Variants in IQCJ observed in about 807,000 individuals in gnomAD.
IQCJ encodes IQ motif containing J.
IQCJ carries 9 observed loss-of-function variants against 11.0 expected under a neutral mutation model. The observed-to-expected ratio is 0.82, with a 90% confidence interval of 0.49 to 1.43. IQCJ has a LOEUF of 1.43. Ranked by LOEUF, IQCJ falls within the 40% of genes most tolerant of loss-of-function variation. The pLI is 0.00. For synonymous variants in IQCJ, 55 were observed against 51.3 expected (o/e 1.07, Z -0.31); for missense variants, 146 against 133.2 (o/e 1.10, Z -0.47).
intron 1 of IQCJ, among the ~76,000 whole-genome samples, chr3:159,179,833 T>C (rs1017002296): frequency 2.6e-5 from 4 of 152,140 alleles, no homozygotes; most frequent in Non-Finnish European, 4.4e-5. Flanking sequence ...AGTCAAAAAG[T>C]GGAAGAGCCC....
At chr3:159,081,591 A>G (rs916263237) in intron 1 of IQCJ, among the ~76,000 whole-genome samples, 2 of 152,134 alleles carry the variant, frequency 1.3e-5, no homozygotes, top group South Asian at 4.1e-4. Context: ...ACAAATGAGC[A>G]CATCATTTTT....
At chr3:159,191,028 A>G (rs1303988467) in intron 1 of IQCJ, among the ~76,000 whole-genome samples, 2 of 152,212 alleles carry the variant, frequency 1.3e-5, no homozygotes, top group African/African-American at 2.4e-5. Flanking sequence ...CTTGAATTCA[A>G]TGACTTTACT....
intron 1 of IQCJ, among the ~76,000 whole-genome samples, chr3:159,146,977 G>A (rs1312863681): frequency 6.6e-6 from 1 of 152,114 alleles, no homozygotes; most frequent in Admixed American, 6.6e-5. Context: ...AATGAACAAC[G>A]GCTATATCCC....
rs1379494452 is a variant in IQCJ at position 159,116,612 on chromosome 3, A to ATGTG, written c.9+47174_9+47175insGTGT. 1.1e-3 allele frequency among the ~76,000 whole-genome samples: 91 copies of ATGTG among 81,842 alleles called. 1 individual carries two copies. The highest frequency in any genetic ancestry group is 4.2e-3 in the African/African-American group (88 of 21,098). The allele number at this position is 81,842 out of a possible 152,430, so 53.7% of individuals were successfully genotyped here. On this transcript the variant is annotated intron_variant, in intron 1 of 3. Transcript: ENST00000397832. ...TGTTCTATTTTAGCATCCTGCTCAT[A>ATGTG]TGTATATATATATATATATATATAT... is the stretch of plus-strand genomic sequence containing the variant.
chr3:159,153,893 G>A (rs1266882471), intron 1 of IQCJ, among the ~76,000 whole-genome samples: 2 of 152,180 alleles, frequency 1.3e-5, no homozygotes, highest in Non-Finnish European at 2.9e-5. Flanking sequence ...TGGCTATGGC[G>A]TCAGTTCCCA....
At chr3:159,127,952 G>A (rs759750496) in intron 1 of IQCJ, among the ~76,000 whole-genome samples, 21 of 152,046 alleles carry the variant, frequency 1.4e-4, no homozygotes, top group Non-Finnish European at 2.9e-5. Context: ...TGTGATAAAC[G>A]ATTATCATTG....
chr3:159,185,013 T>C (rs1387687414), intron 1 of IQCJ, among the ~76,000 whole-genome samples: 1 of 152,210 alleles, frequency 6.6e-6, no homozygotes, highest in East Asian at 1.9e-4. Flanking sequence ...TTCAAAATCA[T>C]GGCCGCATAG....
chr3:159,137,151 A>T (rs1454225303), intron 1 of IQCJ, among the ~76,000 whole-genome samples: 1 of 151,888 alleles, frequency 6.6e-6, no homozygotes, highest in Non-Finnish European at 1.5e-5. Flanking sequence ...AATCCCAGCT[A>T]CTCGGGAGGC....
chr3:159,159,766 G>T (rs572431413), intron 1 of IQCJ, among the ~76,000 whole-genome samples: 1 of 152,060 alleles, frequency 6.6e-6, no homozygotes, highest in Non-Finnish European at 1.5e-5. Flanking sequence ...AAATGGTTTG[G>T]TGCCATCCCC....
At chr3:159,244,674 G>T (rs1727141776) in intron 1 of IQCJ, among the ~76,000 whole-genome samples, 2 of 152,170 alleles carry the variant, frequency 1.3e-5, no homozygotes, top group Non-Finnish European at 1.5e-5. Context: ...CCACTGGAAA[G>T]GTTGGAAGGA....
chr3:159,091,647 TACACACAC>T (rs111512204), intron 1 of IQCJ, among the ~76,000 whole-genome samples: 132 of 133,922 alleles, frequency 9.9e-4, no homozygotes, highest in Non-Finnish European at 1.8e-3. Flanking sequence ...AAGGGGTATT[TACACACAC>T]ACACACACAC....
At chr3:159,138,285 T>G (rs1720411599) in intron 1 of IQCJ, among the ~76,000 whole-genome samples, 1 of 152,196 alleles carries the variant, frequency 6.6e-6, no homozygotes, top group African/African-American at 2.4e-5. Context: ...AGGAAGAGCC[T>G]TCTACAGGTT....
chr3:159,137,872 A>G (rs535968324), intron 1 of IQCJ, among the ~76,000 whole-genome samples: 1 of 152,378 alleles, frequency 6.6e-6, no homozygotes, highest in East Asian at 1.9e-4. Flanking sequence ...TTTAAAAGCA[A>G]AATAAATAGG....
intron 1 of IQCJ, among the ~76,000 whole-genome samples, chr3:159,155,388 C>T (rs1721459427): frequency 6.6e-6 from 1 of 152,148 alleles, no homozygotes; most frequent in East Asian, 1.9e-4. Context: ...AAACTCCTGA[C>T]CTCAAGTAAT....
intron 1 of IQCJ, among the ~76,000 whole-genome samples, chr3:159,212,345 CT>C (rs2108094685): frequency 1.3e-5 from 2 of 152,170 alleles, no homozygotes; most frequent in Admixed American, 1.3e-4. Context: ...GCACCTCAGT[CT>C]TGTTATCTGT....
intron 1 of IQCJ, among the ~76,000 whole-genome samples, chr3:159,242,266 A>G (rs369878217): frequency 6.6e-5 from 10 of 152,294 alleles, no homozygotes; most frequent in Non-Finnish European, 1.2e-4. Flanking sequence ...GTGATGGAAA[A>G]CCACTGAATT....
At chr3:159,115,097 C>T (rs989408294) in intron 1 of IQCJ, among the ~76,000 whole-genome samples, 7 of 152,168 alleles carry the variant, frequency 4.6e-5, no homozygotes, top group African/African-American at 1.7e-4. Context: ...CAACCACCTT[C>T]TTGAGGTAGT....
chr3:159,096,547 G>A (rs1227543265), intron 1 of IQCJ, among the ~76,000 whole-genome samples: 1 of 55,542 alleles, frequency 1.8e-5, no homozygotes, highest in Admixed American at 1.8e-4. Context: ...TTTGTATAAG[G>A]TGTAAGGAAG....
At chr3:159,073,836 A>G (rs1715741393) in intron 1 of IQCJ, among the ~76,000 whole-genome samples, 1 of 152,110 alleles carries the variant, frequency 6.6e-6, no homozygotes, top group South Asian at 2.1e-4. Flanking sequence ...GACAATCTCG[A>G]CTGAGGGCTG....
Sources: allele counts gnomAD v4.1 joint callset (sites outside exome capture counted in the v4.1 genomes callset), GRCh38; gene constraint gnomAD v4.1.1; transcripts MANE v1.5; gene names NCBI Gene and HGNC (gene_info 2026-07-23, HGNC 2026-07-21).